ATP10D: variants seen among roughly 807,000 people sequenced by gnomAD.
The protein encoded by ATP10D is ATPase phospholipid transporting 10D (putative).
A neutral mutation model predicts 144.8 loss-of-function variants in ATP10D; 89 were observed. That is an observed-to-expected ratio of 0.61 (90% confidence interval 0.52 to 0.73). The LOEUF (loss-of-function observed/expected upper bound fraction) is 0.73. Ranked by LOEUF, ATP10D falls within the 30% of genes least tolerant of loss-of-function variation. The probability of loss-of-function intolerance (pLI) is 0.00; values close to 1 mark genes in which losing one functional copy is unlikely to be tolerated. For missense variants in ATP10D, 1,603 were observed against 1,714.8 expected, an observed-to-expected ratio of 0.93 and a Z score of 1.15; for synonymous variants, 571 against 615.1, an observed-to-expected ratio of 0.93 and a Z score of 1.06.
intron 10 of ATP10D, among the ~76,000 whole-genome samples, chr4:47,550,718 A>G (rs1030438185): frequency 6.6e-6 from 1 of 152,192 alleles, no homozygotes; most frequent in East Asian, 1.9e-4. Context: ...TGTTCAACTC[A>G]ATTAGGATGA....
intron 5 of ATP10D, among the ~76,000 whole-genome samples, chr4:47,525,872 C>T (rs1389078345): frequency 1.3e-5 from 2 of 152,174 alleles, no homozygotes; most frequent in Non-Finnish European, 2.9e-5. Context: ...CATCCATATC[C>T]CCTTTGCCAG....
chr4:47,535,397 T>C (rs1025560158), intron 5 of ATP10D, 112 bp from the exon 6 acceptor site: 2 of 752,078 alleles, frequency 2.7e-6, no homozygotes, highest in African/African-American at 1.9e-5. Context: ...GAAAACTTTC[T>C]TGTGAAATGC....
At chr4:47,528,162 G>C (rs766059986) in intron 5 of ATP10D, among the ~76,000 whole-genome samples, 15 of 152,042 alleles carry the variant, frequency 9.9e-5, no homozygotes, top group Non-Finnish European at 2.2e-4. Context: ...TTGTGCAATG[G>C]TGAGGTTTGG....
At chr4:47,529,516 C>T (rs1560426975) in intron 5 of ATP10D, among the ~76,000 whole-genome samples, 1 of 152,126 alleles carries the variant, frequency 6.6e-6, no homozygotes, top group Admixed American at 6.6e-5. Context: ...GTTTTTGTAG[C>T]AGTACCATGC....
chr4:47,512,688 C>T lies in ATP10D; in HGVS notation c.148C>T (p.His50Tyr). The part of the protein sequence containing the change: ...SSQTPKLSGR[H>Y]RIVVPHIQPF... Reference sequence around the variant, plus strand: ...TCAGACCCCTAAACTGTCAGGAAGGCACCGGATTGTTGTTCCCCACATCCA... The same window carrying T: ...TCAGACCCCTAAACTGTCAGGAAGGTACCGGATTGTTGTTCCCCACATCCA... Residue 50 changes from histidine (H) to tyrosine (Y), a missense_variant, in exon 2 of 23, where the codon CAC becomes TAC. Physicochemically the swap from His to Tyr is moderately conservative, Grantham distance 83. Coordinates refer to ENST00000273859, the MANE Select transcript of ATP10D (RefSeq NM_020453.4). 2 of 1,614,182 alleles carry T rather than the reference C, an allele frequency of 1.2e-6. No homozygotes were observed. Among genetic ancestry groups the T allele is most frequent in the Non-Finnish European group, 1.7e-6 (2 of 1,180,030 alleles).
chr4:47,523,717 T>C (rs1717090979), intron 4 of ATP10D, among the ~76,000 whole-genome samples: 1 of 152,208 alleles, frequency 6.6e-6, no homozygotes, highest in Admixed American at 6.5e-5. Flanking sequence ...ATTTAAACAC[T>C]TTATGCCTCA....
chr4:47,563,082 G>C (rs901790295), intron 14 of ATP10D, among the ~76,000 whole-genome samples: 1 of 152,172 alleles, frequency 6.6e-6, no homozygotes, highest in African/African-American at 2.4e-5. Context: ...TGGGAGGATA[G>C]GTCGGGGAGC....
rs778264598 is a variant in ATP10D, at chr4:47,557,865, G to A, written c.2026G>A (p.Val676Ile). The A allele has an allele frequency of 6.2e-7, 1 of 1,614,188 alleles. No individual in the cohort carries two copies. Among genetic ancestry groups the A allele is most frequent in the South Asian group, 1.1e-5 (1 of 91,084 alleles). The change falls in exon 12 of 23, where the codon GTC becomes ATC. Residue 676 changes from valine to isoleucine, a missense_variant. By Grantham distance (29) the Val-to-Ile change is conservative. Transcript: ENST00000273859. ...ACCAGCTTCACCTGTGGAGGAAGAG[G>A]TCTCCCAGGTGTGTGAGAGCCCCCA... ...MKPASPVEEE[V>I]SQVCESPQCS...
intron 21 of ATP10D, among the ~76,000 whole-genome samples, chr4:47,584,894 T>G (rs1720707440): frequency 6.6e-6 from 1 of 152,216 alleles, no homozygotes; most frequent in South Asian, 2.1e-4. Flanking sequence ...GTATCTGCCA[T>G]GGGGAAATAC....
At position 47,558,210 on chromosome 4, in the gene ATP10D, G is replaced by C; in HGVS notation, c.2371G>C (p.Val791Leu). 1 of 1,614,216 alleles carries C rather than the reference G, an allele frequency of 6.2e-7. No homozygotes were observed. The highest frequency in any genetic ancestry group is 8.5e-7 in the Non-Finnish European group (1 of 1,180,046). Residue 791 changes from valine to leucine, a missense_variant, in exon 12 of 23, where the codon GTT becomes CTT. By Grantham distance (32) the Val-to-Leu change is conservative (BLOSUM62 1). Transcript: ENST00000273859. ...GGTCCGACACCCTCTTTCCAATCAAGTTGTGGTGTATACGAAAGGCGCTGA... is the reference window on the plus strand; with the variant it reads ...GGTCCGACACCCTCTTTCCAATCAACTTGTGGTGTATACGAAAGGCGCTGA... ...VVVRHPLSNQ[V>L]VVYTKGADSV...
At chr4:47,562,832 A>AAT (rs148667924) in intron 14 of ATP10D, among the ~76,000 whole-genome samples, 21,427 of 151,454 alleles carry the variant, frequency 0.14, 1,702 homozygotes, top group Non-Finnish European at 0.19. Context: ...AATGTGATAT[A>AAT]ATATATATAT....
At chr4:47,563,787 C>T in intron 15 of ATP10D, 22 bp downstream of exon 15, 1 of 1,505,530 alleles carries the variant, frequency 6.6e-7, no homozygotes, top group Non-Finnish European at 8.9e-7. Flanking sequence ...GAGATTAAAT[C>T]TGTTCTTCTG....
intron 2 of ATP10D, among the ~76,000 whole-genome samples, chr4:47,514,346 G>C (rs1716516762): frequency 1.3e-5 from 2 of 152,188 alleles, no homozygotes; most frequent in South Asian, 4.1e-4. Context: ...ACCTGAAACA[G>C]AGTTCAAGGT....
At chr4:47,556,551 AAG>A (rs1386668773) in intron 11 of ATP10D, among the ~76,000 whole-genome samples, 1 of 152,194 alleles carries the variant, frequency 6.6e-6, no homozygotes, top group Non-Finnish European at 1.5e-5. Context: ...TGAAGCATAT[AAG>A]AGTCTAAGCC....
At chr4:47,552,621 T>C (rs1213897920) in intron 10 of ATP10D, among the ~76,000 whole-genome samples, 1 of 152,206 alleles carries the variant, frequency 6.6e-6, no homozygotes, top group Non-Finnish European at 1.5e-5. Context: ...CATACAAATT[T>C]TGGGGAGACA....
At chr4:47,581,028 A>G (rs1046785852) in intron 20 of ATP10D, among the ~76,000 whole-genome samples, 2 of 152,134 alleles carry the variant, frequency 1.3e-5, no homozygotes, top group African/African-American at 4.8e-5. Flanking sequence ...GCACCACTGC[A>G]CTCCAGCCTA....
rs1717032803 is a variant in ATP10D at position 47,523,013 on chromosome 4, A to G, written c.487A>G (p.Lys163Glu). The change falls in exon 4 of 23, where the codon AAA (lysine) becomes GAA (glutamate). Residue 163 changes from lysine (K) to glutamate (E), a missense_variant and splice_region_variant. By Grantham distance (56) the Lys-to-Glu change is moderately conservative. Coordinates refer to ENST00000273859, the MANE Select transcript of ATP10D (RefSeq NM_020453.4). Reference sequence around the variant, plus strand: ...TTTTTAACTTTTTTTTAATTACAGGAAAGAGAAAAAATACATTGACCGATG... The same window carrying G: ...TTTTTAACTTTTTTTTAATTACAGGGAAGAGAAAAAATACATTGACCGATG... ...NNLITKVYSR[K>E]EKKYIDRCWK... 1 of 1,601,252 alleles carries G rather than the reference A, an allele frequency of 6.2e-7. No individual in the cohort carries two copies. Among genetic ancestry groups the G allele is most frequent in the Non-Finnish European group, 8.5e-7 (1 of 1,172,226 alleles).
chr4:47,490,643 T>C (rs186750721), intron 1 of ATP10D, among the ~76,000 whole-genome samples: 3 of 152,296 alleles, frequency 2.0e-5, no homozygotes, highest in Admixed American at 6.5e-5. Flanking sequence ...GGATGTAGGA[T>C]TGGTAACGGG....
chr4:47,591,297 T>C lies in ATP10D; in HGVS notation c.4197T>C (p.Ser1399=), dbSNP rs775774916. 8 of 1,613,500 alleles carry C rather than the reference T, an allele frequency of 5.0e-6. No homozygotes were observed. The highest frequency in any genetic ancestry group is 6.8e-6 in the Non-Finnish European group (8 of 1,179,526). ...SSCAIEQGNL[S]LCETALDQGY... is the part of the protein sequence containing the mutation. ...GTGCTATTGAGCAAGGAAACTTATC[T>C]CTGTGTGAAACTGCTTTAGATCAAG... The change falls in exon 23 of 23, where the codon TCT becomes TCC. Residue 1399 remains serine, a synonymous_variant. Transcript: ENST00000273859.
Sources: gnomAD v4.1 joint callset for allele counts (sites outside exome capture counted in the v4.1 genomes callset) on GRCh38, gnomAD v4.1.1 for gene constraint, MANE v1.5 for transcripts, NCBI Gene and HGNC (gene_info 2026-07-23, HGNC 2026-07-21) for gene names.